Variants in NMI observed in about 807,000 individuals in gnomAD.
NMI encodes N-myc and STAT interactor.
In NMI, 39 loss-of-function variants were observed where a neutral mutation model predicts 34.3. The ratio of observed to expected loss-of-function variants is 1.14; its 90% CI spans 0.88 to 1.49. The LOEUF is 1.49. NMI is among the 40% of genes most tolerant of loss of function. The probability of loss-of-function intolerance (pLI) is 0.00; values close to 1 mark genes in which losing one functional copy is unlikely to be tolerated. For synonymous variants in NMI, 113 were observed against 120.3 expected, an observed-to-expected ratio of 0.94 and a Z score of 0.40; for missense variants, 339 against 358.1, an observed-to-expected ratio of 0.95 and a Z score of 0.43.
intron 2 of NMI, 112 bp downstream of exon 2, chr2:151,282,756 A>G (rs998235301): frequency 5.4e-6 from 3 of 552,504 alleles, no homozygotes; most frequent in Non-Finnish European, 9.3e-6. Context: ...TTAAAGCCTA[A>G]CGGCCTCCCA....
intron 4 of NMI, 21 bp from the exon 5 acceptor site, chr2:151,275,885 G>A (rs185527698): frequency 3.1e-5 from 43 of 1,397,906 alleles, no homozygotes; most frequent in Non-Finnish European, 3.6e-5. Context: ...ATTCAGGAAG[G>A]AAGTATTAAT....
intron 6 of NMI, among the ~76,000 whole-genome samples, chr2:151,272,020 TA>T (rs895864719): frequency 6.6e-6 from 1 of 152,234 alleles, no homozygotes; most frequent in African/African-American, 2.4e-5. Context: ...CTTTGAGCTA[TA>T]AAAAATACCA....
In NMI at chr2:151,282,434, C is replaced by A. The variant is rs12328054; in HGVS notation, c.82-391G>T. Among the ~76,000 whole-genome samples the A allele has an allele frequency of 3.9e-3, 587 of 152,230 alleles. 3 individuals carry two copies. Among genetic ancestry groups the A allele is most frequent in the African/African-American group, 0.014 (562 of 41,534 alleles). On this transcript the variant is annotated intron_variant, in intron 2 of 7. Transcript: ENST00000243346. The stretch of plus-strand genomic sequence containing the variant: ...CTGTAATAGCGGACATATTCTGGGG[C>A]AGTTTGTTGTTGGTGTTGTTGTTGT...
intron 6 of NMI, among the ~76,000 whole-genome samples, chr2:151,273,138 G>T (rs1359540924): frequency 1.3e-5 from 2 of 150,832 alleles, no homozygotes; most frequent in Non-Finnish European, 2.9e-5. Flanking sequence ...AAGAGTACAG[G>T]TCCTGAGTCA....
chr2:151,276,013 A>C (rs1022749405), intron 4 of NMI, 149 bp from the exon 5 acceptor site: 14 of 600,266 alleles, frequency 2.3e-5, no homozygotes, highest in Non-Finnish European at 3.7e-5. Flanking sequence ...GGTGATTCCA[A>C]GTGATAATGG....
chr2:151,286,502 C>T (rs1683499744), intron 1 of NMI, among the ~76,000 whole-genome samples: 1 of 152,126 alleles, frequency 6.6e-6, no homozygotes, highest in Admixed American at 6.5e-5. Flanking sequence ...CTGAAGATGG[C>T]TCAAGGTCTC....
chr2:151,275,896 T>C (rs1321983155), intron 4 of NMI, 32 bp from the exon 5 acceptor site: 3 of 1,297,140 alleles, frequency 2.3e-6, no homozygotes, highest in Non-Finnish European at 3.3e-6. Context: ...AAGTATTAAT[T>C]TCCAATATTT....
At chr2:151,285,357 AGATAGAT>A (rs1683475099) in intron 1 of NMI, among the ~76,000 whole-genome samples, 1 of 8,584 alleles carries the variant, frequency 1.2e-4, no homozygotes, top group African/African-American at 2.7e-4. Context: ...TTGATGATTG[AGATAGAT>A]AGATAGATAG....
chr2:151,270,621 G>A lies in NMI; in HGVS notation c.*72C>T. On this transcript the variant is annotated 3_prime_UTR_variant, in exon 8 of 8. Coordinates refer to ENST00000243346, the MANE Select transcript of NMI (RefSeq NM_004688.3). Reference sequence around the variant, plus strand: ...TAAAGTTTTCATTTTTTAAGGAAAAGCATATTCATTTTTGTCAAACATTTA... The same window carrying A: ...TAAAGTTTTCATTTTTTAAGGAAAAACATATTCATTTTTGTCAAACATTTA... 2.5e-6 allele frequency: 3 copies of A among 1,220,992 alleles called. No individual in the cohort carries two copies. Among genetic ancestry groups the A allele is most frequent in the Non-Finnish European group, 3.5e-6 (3 of 867,890 alleles). 75.6% of individuals were successfully genotyped at this position (1,220,992 alleles called of 1,614,324 possible).
At chr2:151,282,783 G>T in intron 2 of NMI, 85 bp downstream of exon 2, 3 of 679,962 alleles carry the variant, frequency 4.4e-6, no homozygotes, top group East Asian at 3.4e-5. Flanking sequence ...AGGTAATGTT[G>T]GACAAAGACA....
At chr2:151,281,849 T>A (rs760145560) in intron 3 of NMI, 99 bp downstream of exon 3, 1 of 695,632 alleles carries the variant, frequency 1.4e-6, no homozygotes, top group Non-Finnish European at 2.6e-6. Context: ...CCATGGATGA[T>A]GATAAGGTTT....
Position 151,275,632 on chromosome 2 carries a change from A to G in NMI, c.486T>C (p.Thr162=), listed in dbSNP as rs1401089218. The G allele has an allele frequency of 1.2e-6, 2 of 1,614,052 alleles. No homozygotes were observed. Among genetic ancestry groups the G allele is most frequent in the Non-Finnish European group, 1.7e-6 (2 of 1,179,984 alleles). ...CTTCACGCAATGTGTCAGGAATTTC[A>G]GTAACATTGATTTTCATTTTAGAAA... ...VEVSKMKINV[T]EIPDTLREDQ... is the part of the protein sequence containing the mutation. Residue 162 remains threonine (T), a synonymous_variant, in exon 6 of 8, where the codon ACT becomes ACC. Coordinates refer to ENST00000243346, the MANE Select transcript of NMI (RefSeq NM_004688.3).
At chr2:151,283,044 G>T in intron 1 of NMI, 90 bp from the exon 2 acceptor site, 2 of 562,292 alleles carry the variant, frequency 3.6e-6, no homozygotes, top group Non-Finnish European at 5.9e-6. Flanking sequence ...TTTTATGGAA[G>T]AAACATCTCT....
At chr2:151,275,918 A>G (rs751202321) in intron 4 of NMI, 54 bp from the exon 5 acceptor site, 66 of 1,171,522 alleles carry the variant, frequency 5.6e-5, no homozygotes, top group Middle Eastern at 2.0e-4. Context: ...AAGAATTGTT[A>G]TGCTTTTGGT....
intron 7 of NMI, 55 bp downstream of exon 7, chr2:151,271,571 G>A (rs1683187455): frequency 2.3e-6 from 2 of 867,520 alleles, no homozygotes; most frequent in Non-Finnish European, 3.9e-6. Context: ...TTTATTTTTT[G>A]TGGGGTGGGT....
chr2:151,274,344 CAAAAAAAAAAAA>C (rs773276443), intron 6 of NMI, among the ~76,000 whole-genome samples: 4 of 54,674 alleles, frequency 7.3e-5, no homozygotes, highest in Non-Finnish European at 9.6e-5. Context: ...CTCTGTCTCA[CAAAAAAAAAAAA>C]AAAAAAAAAA....
At chr2:151,285,218 G>A (rs567160907) in intron 1 of NMI, among the ~76,000 whole-genome samples, 1 of 152,214 alleles carries the variant, frequency 6.6e-6, no homozygotes, top group South Asian at 2.1e-4. Flanking sequence ...GTAAATATAT[G>A]GAGGATAATA....
intron 3 of NMI, among the ~76,000 whole-genome samples, chr2:151,280,701 A>C (rs568099052): frequency 6.6e-6 from 1 of 152,298 alleles, no homozygotes; most frequent in African/African-American, 2.4e-5. Context: ...ATAAGACTGC[A>C]TGATTCTAGC....
chr2:151,271,690 A>C lies in NMI; in HGVS notation c.677T>G (p.Ile226Arg). The C allele has an allele frequency of 6.3e-7, 1 of 1,585,948 alleles. No individual in the cohort carries two copies. Among genetic ancestry groups the C allele is most frequent in the Non-Finnish European group, 8.6e-7 (1 of 1,156,696 alleles). The change falls in exon 7 of 8, where the codon ATA (isoleucine) becomes AGA (arginine). Residue 226 changes from isoleucine (I) to arginine (R), a missense_variant. Physicochemically the swap from Ile to Arg is moderately conservative, Grantham distance 97. Coordinates refer to ENST00000243346, the MANE Select transcript of NMI (RefSeq NM_004688.3). ...ILKKKEYPLY[I>R]NQTCHRVTVS... ...AGTAACTCTATGGCAGGTTTGATTT[A>C]TATAAAGAGGGTATTCTTTCTTTTT...
Sources: allele counts gnomAD v4.1 joint callset (sites outside exome capture counted in the v4.1 genomes callset), GRCh38; gene constraint gnomAD v4.1.1; transcripts MANE v1.5; gene names NCBI Gene and HGNC (gene_info 2026-07-23, HGNC 2026-07-21).